The following IGFLR1 variants were observed in gnomAD, a reference collection of about 807,000 sequenced individuals.
The protein encoded by IGFLR1 is IGF-like family receptor 1.
A neutral mutation model predicts 23.4 loss-of-function variants in IGFLR1; 17 were observed. The observed-to-expected ratio is 0.73, with a 90% CI of 0.50 to 1.09. The LOEUF is 1.09. Ranked by LOEUF, IGFLR1 falls within the 50% of genes least tolerant of loss-of-function variation. The pLI is 0.00. For missense variants in IGFLR1, 556 were observed against 459.2 expected (o/e 1.21, Z -1.93); for synonymous variants, 265 against 210.7 (o/e 1.26, Z -2.23).
rs775562021 is a variant in IGFLR1 at position 35,741,208 on chromosome 19, A to G, written c.-28T>C. 22 of 1,608,770 alleles carry G rather than the reference A, an allele frequency of 1.4e-5. No individual in the cohort carries two copies. Among genetic ancestry groups the G allele is most frequent in the Non-Finnish European group, 1.5e-5 (18 of 1,178,844 alleles). ...GGGGGGCCGTGATAGCGGGACTTCCAAACACAGCGCCTCTGCTACACTTTC... is the reference window on the plus strand; with the variant it reads ...GGGGGGCCGTGATAGCGGGACTTCCGAACACAGCGCCTCTGCTACACTTTC... On this transcript the variant is annotated 5_prime_UTR_variant, in exon 2 of 5. Transcript: ENST00000246532.
In IGFLR1 at chr19:35,740,584, C is replaced by T. The variant is rs1367330830; in HGVS notation, c.158-20G>A. On this transcript the variant is annotated intron_variant, in intron 2 of 4. Transcript: ENST00000246532. ...CATAGTCTAGCGGGAAAGCTGCGCT[C>T]CAGTGCGGCCGCCTAGCCCGCCCCT... 1 of 1,583,352 alleles carries T rather than the reference C, an allele frequency of 6.3e-7. No individual in the cohort carries two copies.
In IGFLR1 at chr19:35,740,771, T is replaced by C. The variant is rs1970178238; in HGVS notation, c.158-207A>G. On this transcript the variant is annotated intron_variant, in intron 2 of 4. Coordinates refer to ENST00000246532, the MANE Select transcript of IGFLR1 (RefSeq NM_024660.4). ...GCACGAAGCTCCGCCCACTCCCGGC[T>C]TCTCTACATAAAGCCCACCCTTTCC... 4 of 639,306 alleles carry C rather than the reference T, an allele frequency of 6.3e-6. No individual in the cohort carries two copies. In the South Asian group the frequency reaches 7.9e-5, roughly 13 times the overall value. The allele number at this position is 639,306 out of a possible 1,614,324, so 39.6% of individuals were successfully genotyped here.
intron 2 of IGFLR1, 153 bp downstream of exon 2, chr19:35,740,871 G>T (rs964798308): frequency 5.5e-6 from 4 of 730,016 alleles, no homozygotes; most frequent in Middle Eastern, 3.9e-4. Context: ...ATCTGCACAG[G>T]CTCTGCCTGC....
At position 35,740,568 on chromosome 19, in the gene IGFLR1, G is replaced by A. The variant is rs1236052535; in HGVS notation, c.158-4C>T. 3 of 1,598,658 alleles carry A rather than the reference G, an allele frequency of 1.9e-6. No homozygotes were observed. Among genetic ancestry groups the A allele is most frequent in the African/African-American group, 1.3e-5 (1 of 74,546 alleles). ...CAGTTTTCCCGGAACTCATAGTCTA[G>A]CGGGAAAGCTGCGCTCCAGTGCGGC... On this transcript the variant is annotated splice_region_variant and splice_polypyrimidine_tract_variant and intron_variant, in intron 2 of 4. Transcript: ENST00000246532.
Position 35,740,939 on chromosome 19 carries a change from G to A in IGFLR1, c.157+85C>T, listed in dbSNP as rs1037516414. 5.2e-6 allele frequency: 7 copies of A among 1,334,188 alleles called. No individual in the cohort carries two copies. The African/African-American group carries it at 7.2e-5, about 14-fold the overall frequency. The allele number at this position is 1,334,188 out of a possible 1,614,324, so 82.6% of individuals were successfully genotyped here. On this transcript the variant is annotated intron_variant, in intron 2 of 4. Coordinates refer to ENST00000246532, the MANE Select transcript of IGFLR1 (RefSeq NM_024660.4). ...TTAGACCCCTAAGCAAGCCTCTCTG[G>A]CCCGTAGCCCACAGACCTCGCCCCT...
In IGFLR1 at chr19:35,741,053, A is replaced by G; in HGVS notation, c.128T>C (p.Leu43Pro). 1 of 1,609,254 alleles carries G rather than the reference A, an allele frequency of 6.2e-7. No homozygotes were observed. ...NPDNKCCSSC[L>P]QRFGPPPCPD... The stretch of plus-strand genomic sequence containing the variant: ...GCAGGGGGGCGGCCCGAAGCGTTGC[A>G]GGCAGCTGCTGCAGCACTTGTTGTC... The change falls in exon 2 of 5, where the codon CTG (leucine) becomes CCG (proline). Residue 43 changes from leucine to proline, a missense_variant. Coordinates refer to ENST00000246532, the MANE Select transcript of IGFLR1 (RefSeq NM_024660.4).
intron 2 of IGFLR1, chr19:35,740,804 C>T (rs1970182182): frequency 1.6e-6 from 1 of 636,888 alleles, no homozygotes; most frequent in Non-Finnish European, 2.7e-6. Context: ...TCCACGCGGC[C>T]CCTATCCCGC....
In IGFLR1 at chr19:35,741,216, C is replaced by A. The variant is rs762879617; in HGVS notation, c.-36G>T. On this transcript the variant is annotated 5_prime_UTR_variant, in exon 2 of 5. Transcript: ENST00000246532. ...GTGATAGCGGGACTTCCAAACACAG[C>A]GCCTCTGCTACACTTTCCGGGGAAA... 2.5e-6 allele frequency: 4 copies of A among 1,606,324 alleles called. No homozygotes were observed. In the South Asian group the frequency reaches 4.4e-5, roughly 18 times the overall value.
chr19:35,739,127 T>C lies in IGFLR1; in HGVS notation c.*153A>G. 1 of 751,194 alleles carries C rather than the reference T, an allele frequency of 1.3e-6. No homozygotes were observed. Among genetic ancestry groups the C allele is most frequent in the Middle Eastern group, 3.9e-4 (1 of 2,570 alleles). The allele number at this position is 751,194 out of a possible 1,614,324, so 46.5% of individuals were successfully genotyped here. ...CACCTGGGGTCAGCCCTCCCACATG[T>C]GGCCCTGTGTGTATGTTGGAATAGG... On this transcript the variant is annotated 3_prime_UTR_variant, in exon 5 of 5. Coordinates refer to ENST00000246532, the MANE Select transcript of IGFLR1 (RefSeq NM_024660.4).
At chr19:35,740,791 C>G in intron 2 of IGFLR1, 1 of 636,800 alleles carries the variant, frequency 1.6e-6, no homozygotes, top group Non-Finnish European at 2.7e-6. Context: ...AAAGCCCACC[C>G]TTTCCACGCG....
At chr19:35,741,766 A>G (rs991291976) in intron 1 of IGFLR1, among the ~76,000 whole-genome samples, 7 of 151,312 alleles carry the variant, frequency 4.6e-5, no homozygotes, top group Non-Finnish European at 1.0e-4. Context: ...TGCTTGAGCC[A>G]TGAATTACAG....
In IGFLR1 at chr19:35,740,574, A is replaced by G. The variant is rs747250836; in HGVS notation, c.158-10T>C. 6.9e-6 allele frequency: 11 copies of G among 1,594,544 alleles called. No individual in the cohort carries two copies. The African/African-American group carries it at 1.5e-4, about 21-fold the overall frequency. Reference sequence around the variant, plus strand: ...TCCCGGAACTCATAGTCTAGCGGGAAAGCTGCGCTCCAGTGCGGCCGCCTA... The same window carrying G: ...TCCCGGAACTCATAGTCTAGCGGGAGAGCTGCGCTCCAGTGCGGCCGCCTA... On this transcript the variant is annotated splice_polypyrimidine_tract_variant and intron_variant, in intron 2 of 4. Coordinates refer to ENST00000246532, the MANE Select transcript of IGFLR1 (RefSeq NM_024660.4).
In IGFLR1 at chr19:35,739,796, G is replaced by C. The variant is rs1332883153; in HGVS notation, c.635C>G (p.Pro212Arg). ...TGGGGAGGACAGATGCGAGGAGGAA[G>C]GGGTGTGGGTGTTGGGGACTCCGCA... Reference protein sequence around the residue: ...LVCGVPNTHTPSSSHLSSPGA... With the variant: ...LVCGVPNTHTRSSSHLSSPGA... Residue 212 changes from proline (P) to arginine (R), a missense_variant, in exon 4 of 5, where the codon CCT becomes CGT. Physicochemically the swap from Pro to Arg is moderately radical, Grantham distance 103. Transcript: ENST00000246532. The C allele has an allele frequency of 6.3e-7, 1 of 1,582,380 alleles. No individual in the cohort carries two copies. Among genetic ancestry groups the C allele is most frequent in the Non-Finnish European group, 8.6e-7 (1 of 1,160,974 alleles).
Position 35,742,393 on chromosome 19 carries a change from T to G in IGFLR1, c.-44+3A>C. 1 of 1,529,492 alleles carries G rather than the reference T, an allele frequency of 6.5e-7. No homozygotes were observed. The allele number at this position is 1,529,492 out of a possible 1,614,324, so 94.7% of individuals were successfully genotyped here. On this transcript the variant is annotated splice_donor_region_variant and intron_variant, in intron 1 of 4. Transcript: ENST00000246532. ...CACAAAGGTGTCCCCACCCTACCAG[T>G]ACCGTTAGGGTCCTGGGTCCCAAGC...
At position 35,739,173 on chromosome 19, in the gene IGFLR1, G is replaced by A; in HGVS notation, c.*107C>T. 1.8e-6 allele frequency: 2 copies of A among 1,085,232 alleles called. No individual in the cohort carries two copies. The highest frequency in any genetic ancestry group is 3.3e-5 in the South Asian group (2 of 59,994). The allele number at this position is 1,085,232 out of a possible 1,614,324, so 67.2% of individuals were successfully genotyped here. ...ATAGGCCCTTCTAGGGCGAAGAGCA[G>A]TGAGGCTATCTGTTGGGTCTTTGCC... is the stretch of plus-strand genomic sequence containing the variant. On this transcript the variant is annotated 3_prime_UTR_variant, in exon 5 of 5. Transcript: ENST00000246532.
Position 35,739,969 on chromosome 19 carries a change from A to G in IGFLR1, c.462T>C (p.Pro154=), listed in dbSNP as rs144495330. Residue 154 remains proline, a synonymous_variant, in exon 4 of 5, where the codon CCT becomes CCC. Transcript: ENST00000246532. ...GAAGGAAATTCGGCCAGGCCTGCTGAGGGACAGGCTCAGGGGTCCTCCAGG... is the reference window on the plus strand; with the variant it reads ...GAAGGAAATTCGGCCAGGCCTGCTGGGGGACAGGCTCAGGGGTCCTCCAGG... The part of the protein sequence containing the change: ...SIAWRTPEPV[P]QQAWPNFLPL... 0.015 allele frequency: 24,376 copies of G among 1,614,018 alleles called. 228 individuals carry two copies. The highest frequency in any genetic ancestry group is 0.017 in the Non-Finnish European group (20,232 of 1,179,980).
chr19:35,739,954 C>T lies in IGFLR1; in HGVS notation c.477G>A (p.Pro159=), dbSNP rs774965152. 3.7e-6 allele frequency: 6 copies of T among 1,614,038 alleles called. No individual in the cohort carries two copies. Among genetic ancestry groups the T allele is most frequent in the Non-Finnish European group, 5.1e-6 (6 of 1,180,028 alleles). The change falls in exon 4 of 5, where the codon CCG becomes CCA. Residue 159 remains proline, a synonymous_variant. Transcript: ENST00000246532. ...TPEPVPQQAW[P]NFLPLVVLVL... ...CCAGCACCACGAGCGGAAGGAAATTCGGCCAGGCCTGCTGAGGGACAGGCT... is the reference window on the plus strand; with the variant it reads ...CCAGCACCACGAGCGGAAGGAAATTTGGCCAGGCCTGCTGAGGGACAGGCT...
intron 3 of IGFLR1, 88 bp downstream of exon 3, chr19:35,740,292 C>G: frequency 1.4e-6 from 2 of 1,412,764 alleles, no homozygotes; most frequent in Non-Finnish European, 1.9e-6. Context: ...ACCACGGCCC[C>G]ACCCCTTACG....
intron 2 of IGFLR1, 196 bp downstream of exon 2, chr19:35,740,828 T>G (rs1936775097): frequency 1.5e-6 from 1 of 649,428 alleles, no homozygotes; most frequent in Admixed American, 3.1e-5. Context: ...TCCAGCCATA[T>G]CCATTCGCTG....
Sources: gnomAD v4.1 joint callset for allele counts (sites outside exome capture counted in the v4.1 genomes callset) on GRCh38, gnomAD v4.1.1 for gene constraint, MANE v1.5 for transcripts, NCBI Gene and HGNC (gene_info 2026-07-23, HGNC 2026-07-21) for gene names.